HS3ST5: variants seen among roughly 807,000 people sequenced by gnomAD.
The protein encoded by HS3ST5 is heparan sulfate glucosamine 3-O-sulfotransferase 5.
A neutral mutation model predicts 25.4 loss-of-function variants in HS3ST5; 10 were observed. The observed-to-expected ratio is 0.39, with a 90% CI of 0.24 to 0.67. The LOEUF is 0.67. Among genes scored for constraint, HS3ST5 ranks in the 30% least tolerant of loss-of-function variants. The pLI is 0.44. For missense variants in HS3ST5, 324 were observed against 420.7 expected (o/e 0.77, Z 2.01); for synonymous variants, 170 against 162.4 (o/e 1.05, Z -0.36).
At chr6:114,312,820 A>T (rs1179903649) in intron 1 of HS3ST5, among the ~76,000 whole-genome samples, 1 of 151,960 alleles carries the variant, frequency 6.6e-6, no homozygotes, top group Non-Finnish European at 1.5e-5. Context: ...ACTCGAGGCC[A>T]GGAGATCAAG....
intron 1 of HS3ST5, among the ~76,000 whole-genome samples, chr6:114,336,066 G>A (rs1288430387): frequency 6.6e-6 from 1 of 152,144 alleles, no homozygotes; most frequent in African/African-American, 2.4e-5. Context: ...TCCATCAAGA[G>A]TAAGAGAACC....
chr6:114,311,127 C>A (rs973673283), intron 1 of HS3ST5, among the ~76,000 whole-genome samples: 9 of 151,980 alleles, frequency 5.9e-5, no homozygotes, highest in East Asian at 3.9e-4. Flanking sequence ...TTAATAATGA[C>A]AAAAATAAAA....
At chr6:114,204,758 G>A (rs1339047166) in intron 2 of HS3ST5, among the ~76,000 whole-genome samples, 3 of 151,854 alleles carry the variant, frequency 2.0e-5, no homozygotes, top group African/African-American at 7.3e-5. Flanking sequence ...CCTTTATTGA[G>A]TCTTTCCAAA....
intron 3 of HS3ST5, among the ~76,000 whole-genome samples, chr6:114,139,950 C>G (rs1777822831): frequency 6.6e-6 from 1 of 152,146 alleles, no homozygotes; most frequent in Non-Finnish European, 1.5e-5. Flanking sequence ...AACATTTCAC[C>G]TTTCTGGCCC....
chr6:114,203,403 G>C (rs936804836), intron 2 of HS3ST5, among the ~76,000 whole-genome samples: 1 of 152,150 alleles, frequency 6.6e-6, no homozygotes, highest in Non-Finnish European at 1.5e-5. Context: ...AGGCCACAAG[G>C]TTAGGATTAT....
At chr6:114,197,495 T>C (rs1190534553) in intron 2 of HS3ST5, among the ~76,000 whole-genome samples, 1 of 152,168 alleles carries the variant, frequency 6.6e-6, no homozygotes, top group East Asian at 1.9e-4. Flanking sequence ...TCCATTTTTA[T>C]TTAGATTCTG....
At chr6:114,281,170 G>A (rs756694255) in intron 1 of HS3ST5, among the ~76,000 whole-genome samples, 1 of 151,954 alleles carries the variant, frequency 6.6e-6, no homozygotes, top group Non-Finnish European at 1.5e-5. Flanking sequence ...CCCTTCCAAT[G>A]TATCTCAGTG....
intron 2 of HS3ST5, among the ~76,000 whole-genome samples, chr6:114,172,023 G>A (rs1779496949): frequency 6.6e-6 from 1 of 152,120 alleles, no homozygotes; most frequent in Non-Finnish European, 1.5e-5. Context: ...TGGTTGGGGA[G>A]ATTTGTTCCC....
chr6:114,156,814 T>C (rs1778719770), intron 3 of HS3ST5, among the ~76,000 whole-genome samples: 1 of 152,192 alleles, frequency 6.6e-6, no homozygotes, highest in Non-Finnish European at 1.5e-5. Context: ...TTCTCGGTGT[T>C]CTTTGAGGTT....
intron 2 of HS3ST5, among the ~76,000 whole-genome samples, chr6:114,195,964 T>C (rs541107713): frequency 6.6e-6 from 1 of 152,158 alleles, no homozygotes; most frequent in African/African-American, 2.4e-5. Context: ...AGGGCCTGTA[T>C]GCACACTAGG....
At chr6:114,227,737 A>G (rs191233511) in intron 2 of HS3ST5, among the ~76,000 whole-genome samples, 2 of 152,240 alleles carry the variant, frequency 1.3e-5, no homozygotes, top group East Asian at 3.9e-4. Context: ...CTCAAAATTT[A>G]GAAATACTTC....
At chr6:114,141,858 TTG>T (rs59862071) in intron 3 of HS3ST5, among the ~76,000 whole-genome samples, 4,664 of 141,270 alleles carry the variant, frequency 0.033, 152 homozygotes, top group African/African-American at 0.084. Flanking sequence ...AGATGATAGT[TTG>T]TGTGTGTGTG....
chr6:114,090,868 A>G (rs945977854), intron 3 of HS3ST5, among the ~76,000 whole-genome samples: 2 of 152,176 alleles, frequency 1.3e-5, no homozygotes, highest in African/African-American at 4.8e-5. Flanking sequence ...TCAGCAGTAC[A>G]ATTGCCCTCT....
intron 3 of HS3ST5, among the ~76,000 whole-genome samples, chr6:114,076,359 A>T (rs1774132430): frequency 1.3e-5 from 2 of 152,164 alleles, no homozygotes; most frequent in Non-Finnish European, 2.9e-5. Context: ...TGTTCTTATA[A>T]TGAGAGATTA....
chr6:114,069,470 A>G (rs1773658070), intron 3 of HS3ST5, among the ~76,000 whole-genome samples: 1 of 151,734 alleles, frequency 6.6e-6, no homozygotes, highest in South Asian at 2.1e-4. Context: ...ACATGACCCC[A>G]TGATTGCAGC....
At chr6:114,277,303 T>C (rs1475206607) in intron 1 of HS3ST5, among the ~76,000 whole-genome samples, 1 of 151,560 alleles carries the variant, frequency 6.6e-6, no homozygotes, top group Non-Finnish European at 1.5e-5. Flanking sequence ...TATGGTATTG[T>C]CTGCCCATGG....
chr6:114,183,036 T>C (rs1197861151), intron 2 of HS3ST5, among the ~76,000 whole-genome samples: 1 of 152,178 alleles, frequency 6.6e-6, no homozygotes, highest in East Asian at 1.9e-4. Context: ...CATTGGCTCC[T>C]CTAGTTCTCA....
chr6:114,136,617 C>T (rs897628494), intron 3 of HS3ST5, among the ~76,000 whole-genome samples: 4 of 152,276 alleles, frequency 2.6e-5, no homozygotes, highest in South Asian at 2.1e-4. Context: ...CAGTCTCCCC[C>T]GAAGGGCCAG....
intron 2 of HS3ST5, among the ~76,000 whole-genome samples, chr6:114,184,033 G>C (rs1486601158): frequency 1.4e-5 from 2 of 142,950 alleles, no homozygotes; most frequent in Non-Finnish European, 3.1e-5. Flanking sequence ...TAGCTGAGAA[G>C]ATTTCTTTTC....
Sources: gnomAD v4.1 joint callset for allele counts (sites outside exome capture counted in the v4.1 genomes callset) on GRCh38, gnomAD v4.1.1 for gene constraint, MANE v1.5 for transcripts, NCBI Gene and HGNC (gene_info 2026-07-23, HGNC 2026-07-21) for gene names.